The following PPP6R3 variants were observed in gnomAD, a reference collection of about 807,000 sequenced individuals.
PPP6R3 encodes serine/threonine-protein phosphatase 6 regulatory subunit 3.
Under a neutral mutation model 110.7 loss-of-function variants are expected in PPP6R3, and 38 were observed. The ratio of observed to expected loss-of-function variants is 0.34; its 90% CI spans 0.26 to 0.45. The LOEUF is 0.45. Ranked by LOEUF, PPP6R3 falls within the 20% of genes least tolerant of loss-of-function variation. The pLI is 1.00. For missense variants in PPP6R3, 870 were observed against 1,062.4 expected (o/e 0.82, Z 2.52); for synonymous variants, 369 against 373.5 (o/e 0.99, Z 0.14).
At chr11:68,534,693 GATTT>G (rs1223296436) in intron 2 of PPP6R3, among the ~76,000 whole-genome samples, 52 of 152,062 alleles carry the variant, frequency 3.4e-4, no homozygotes, top group African/African-American at 1.2e-3. Context: ...CTTTTTTTCT[GATTT>G]ATTTCTTAGT....
chr11:68,564,709 A>G (rs369320955), intron 9 of PPP6R3, among the ~76,000 whole-genome samples: 1 of 152,236 alleles, frequency 6.6e-6, no homozygotes, highest in Non-Finnish European at 1.5e-5. Flanking sequence ...TTCTTGTAGC[A>G]TATTATTTTT....
intron 1 of PPP6R3, among the ~76,000 whole-genome samples, chr11:68,478,638 A>G (rs1167564412): frequency 1.4e-5 from 1 of 72,574 alleles, no homozygotes; most frequent in Non-Finnish European, 2.5e-5. Flanking sequence ...GAGTTAGTGC[A>G]CTTGGTAAGT....
Position 68,555,211 on chromosome 11 carries a change from G to A in PPP6R3, c.731+954G>A, listed in dbSNP as rs955797747. ...TTCTGAGTAAAATGGCATCTTACCT[G>A]TCCCATTTTAGTAATTCTTGCACTA... On this transcript the variant is annotated intron_variant, in intron 7 of 23. Transcript: ENST00000393800. Among the ~76,000 whole-genome samples, 4 of 152,082 alleles carry A rather than the reference G, an allele frequency of 2.6e-5. No homozygotes were observed. In the East Asian group the frequency reaches 5.8e-4, roughly 22 times the overall value.
chr11:68,600,445 A>G lies in PPP6R3; in HGVS notation c.2143A>G (p.Thr715Ala). ...DVWSTEEPMP[T>A]KETGWASFSE... ...CTGGAGCACAGAGGAGCCGATGCCA[A>G]CTAAAGAGACGGGCTGGGCTTCTTT... The change falls in exon 20 of 24, where the codon ACT becomes GCT. Residue 715 changes from threonine (T) to alanine (A), a missense_variant. Transcript: ENST00000393800. 1 of 1,614,124 alleles carries G rather than the reference A, an allele frequency of 6.2e-7. No individual in the cohort carries two copies. The highest frequency in any genetic ancestry group is 8.5e-7 in the Non-Finnish European group (1 of 1,180,010).
At chr11:68,558,453 T>C in intron 7 of PPP6R3, 113 bp from the exon 8 acceptor site, 1 of 630,162 alleles carries the variant, frequency 1.6e-6, no homozygotes, top group Admixed American at 3.1e-5. Context: ...GTAAAACAAA[T>C]ATGCCCAAGT....
At chr11:68,563,763 G>A (rs887557924) in intron 8 of PPP6R3, among the ~76,000 whole-genome samples, 2 of 152,160 alleles carry the variant, frequency 1.3e-5, no homozygotes, top group African/African-American at 4.8e-5. Context: ...TTATCCTTGA[G>A]TATTTACCCA....
chr11:68,514,926 G>C (rs1413047481), intron 1 of PPP6R3: 1 of 152,124 alleles, frequency 6.6e-6, no homozygotes, highest in Non-Finnish European at 1.5e-5. Context: ...TCTTCTGAAA[G>C]TTTTTTTAAA....
At chr11:68,587,734 A>T (rs2099583301) in intron 15 of PPP6R3, 193 bp from the exon 16 acceptor site, 1 of 663,746 alleles carries the variant, frequency 1.5e-6, no homozygotes, top group Non-Finnish European at 2.7e-6. Flanking sequence ...TGATTTGTAG[A>T]CCAAATTTCA....
intron 1 of PPP6R3, among the ~76,000 whole-genome samples, chr11:68,509,734 C>T (rs576276942): frequency 3.7e-3 from 530 of 142,292 alleles, no homozygotes; most frequent in Non-Finnish European, 6.4e-3. Context: ...TAAGCCACTG[C>T]ATGTGGCTAA....
chr11:68,612,853 G>T, intron 23 of PPP6R3: 1 of 928,468 alleles, frequency 1.1e-6, no homozygotes, highest in South Asian at 1.8e-5. Context: ...CTTGCTGAAT[G>T]CCTGCTCACC....
intron 19 of PPP6R3, 59 bp from the exon 20 acceptor site, chr11:68,600,282 C>T: frequency 6.5e-7 from 1 of 1,535,768 alleles, no homozygotes; most frequent in South Asian, 1.1e-5. Context: ...TGATAAATAC[C>T]TTGTGGTACA....
chr11:68,567,009 T>C lies in PPP6R3; in HGVS notation c.976-5T>C. ...AATTTAATTGGAAAGCTTTTTCTTC[T>C]TCAGAAAAGTGTGATGAAGACCACA... On this transcript the variant is annotated splice_region_variant and splice_polypyrimidine_tract_variant and intron_variant, in intron 9 of 23. Transcript: ENST00000393800. The C allele has an allele frequency of 6.5e-7, 1 of 1,536,790 alleles. No individual in the cohort carries two copies. The highest frequency in any genetic ancestry group is 8.8e-7 in the Non-Finnish European group (1 of 1,142,138).
At chr11:68,496,507 C>T (rs59887883) in intron 1 of PPP6R3, among the ~76,000 whole-genome samples, 9 of 152,188 alleles carry the variant, frequency 5.9e-5, no homozygotes, top group Middle Eastern at 3.4e-3. Flanking sequence ...CAGTCTTACT[C>T]TGTCACCCAG....
At chr11:68,570,312 C>T (rs566792862) in intron 11 of PPP6R3, among the ~76,000 whole-genome samples, 27 of 152,294 alleles carry the variant, frequency 1.8e-4, no homozygotes, top group African/African-American at 5.8e-4. Flanking sequence ...GAGAGTCTTC[C>T]TGGGGTCTCT....
rs565803726 is a variant in PPP6R3, at chr11:68,515,397, C to G, written c.-157-4104C>G. Among the ~76,000 whole-genome samples, 34 of 152,368 alleles carry G rather than the reference C, an allele frequency of 2.2e-4. No individual in the cohort carries two copies. In the East Asian group the frequency reaches 5.4e-3, roughly 24 times the overall value. On this transcript the variant is annotated intron_variant, in intron 1 of 23. Transcript: ENST00000393800. ...CACAGCACAGTACCACAGGAGATGG[C>G]TGGGACAAAGAACCAGGAGCTGGAG...
intron 1 of PPP6R3, among the ~76,000 whole-genome samples, chr11:68,506,772 T>C (rs1474778170): frequency 6.6e-6 from 1 of 152,242 alleles, no homozygotes; most frequent in Non-Finnish European, 1.5e-5. Context: ...TTATCTCAGA[T>C]AATAACCATT....
intron 1 of PPP6R3, among the ~76,000 whole-genome samples, chr11:68,461,498 G>C (rs1195114758): frequency 6.7e-6 from 1 of 148,894 alleles, no homozygotes; most frequent in Non-Finnish European, 1.5e-5. Context: ...CGGGGGTGGG[G>C]GGGGTGGGTG....
At chr11:68,553,375 C>T (rs1346703718) in intron 6 of PPP6R3, among the ~76,000 whole-genome samples, 2 of 151,666 alleles carry the variant, frequency 1.3e-5, no homozygotes, top group East Asian at 3.9e-4. Flanking sequence ...CTCACCGCCA[C>T]CTCTGCCTCC....
Position 68,614,983 on chromosome 11 carries a change from C to T in PPP6R3, c.*1866C>T, listed in dbSNP as rs937682931. ...CCGTGGTATGGACCTGGTGGCTTCT[C>T]CATCCCACTGTGGCCTCTGTGGTAT... On this transcript the variant is annotated 3_prime_UTR_variant, in exon 24 of 24. Coordinates refer to ENST00000393800, the MANE Select transcript of PPP6R3 (RefSeq NM_001164161.2). 23 of 567,100 alleles carry T rather than the reference C, an allele frequency of 4.1e-5. No individual in the cohort carries two copies. Among genetic ancestry groups the T allele is most frequent in the Non-Finnish European group, 7.4e-5 (22 of 298,614 alleles). The allele number at this position is 567,100 out of a possible 1,614,324, so 35.1% of individuals were successfully genotyped here.
Sources: allele counts gnomAD v4.1 joint callset (sites outside exome capture counted in the v4.1 genomes callset), GRCh38; gene constraint gnomAD v4.1.1; transcripts MANE v1.5; gene names NCBI Gene and HGNC (gene_info 2026-07-23, HGNC 2026-07-21).